Variants in F5 observed in about 807,000 individuals in gnomAD.
F5 encodes coagulation factor V.
Under a neutral mutation model 216.4 loss-of-function variants are expected in F5, and 138 were observed. The ratio of observed to expected loss-of-function variants is 0.64; its 90% CI spans 0.56 to 0.73. The LOEUF is 0.73. F5 is among the 30% of genes least tolerant of loss of function. The pLI is 0.00. For missense variants in F5, 2,403 were observed against 2,674.0 expected (o/e 0.90, Z 2.24); for synonymous variants, 916 against 930.7 (o/e 0.98, Z 0.29).
At chr1:169,575,367 T>A (rs1018631069) in intron 2 of F5, among the ~76,000 whole-genome samples, 1 of 152,226 alleles carries the variant, frequency 6.6e-6, no homozygotes, top group African/African-American at 2.4e-5. Flanking sequence ...CAGAGTCCCA[T>A]CATGCAGGGC....
In F5 at chr1:169,559,178, A is replaced by G. The variant is rs769258225; in HGVS notation, c.705T>C (p.Asn235=). ...CTGGCATTGTCCCATTCACATATCC[A>G]TTGACTGTGTACATTAGGGATGATG... ...SQSSSLMYTV[N]GYVNGTMPDI... The change falls in exon 5 of 25, where the codon AAT becomes AAC. Residue 235 remains asparagine, a synonymous_variant. Coordinates refer to ENST00000367797, the MANE Select transcript of F5 (RefSeq NM_000130.5). 3.7e-6 allele frequency: 6 copies of G among 1,613,804 alleles called. No homozygotes were observed. Among genetic ancestry groups the G allele is most frequent in the Non-Finnish European group, 5.1e-6 (6 of 1,179,772 alleles).
In F5 at chr1:169,540,832, G is replaced by T. The variant is rs771228698; in HGVS notation, c.4258C>A (p.Leu1420Ile). 14 of 1,613,816 alleles carry T rather than the reference G, an allele frequency of 8.7e-6. No individual in the cohort carries two copies. In the South Asian group the frequency reaches 8.8e-5, roughly 10 times the overall value. ...GACATCTGACCAAAGTTTGGGGAAA[G>T]ATCTGTCTCACCAAGGTCTGGAGAA... Reference protein sequence around the residue: ...TLSPDLGETDLSPNFGQMSLS... With the variant: ...TLSPDLGETDISPNFGQMSLS... The change falls in exon 13 of 25, where the codon CTT becomes ATT. Residue 1420 changes from leucine (L) to isoleucine (I), a missense_variant. Leu to Ile is a conservative substitution (Grantham distance 5, BLOSUM62 2). Coordinates refer to ENST00000367797, the MANE Select transcript of F5 (RefSeq NM_000130.5).
chr1:169,518,435 G>A lies in F5; in HGVS notation c.6322C>T (p.Arg2108Cys), dbSNP rs200646894. 22 of 1,613,694 alleles carry A rather than the reference G, an allele frequency of 1.4e-5. No homozygotes were observed. Among genetic ancestry groups the A allele is most frequent in the Non-Finnish European group, 1.5e-5 (18 of 1,179,768 alleles). ...ACCTTGGCTTGCCAGGCATTCACAC[G>A]TCCCTGGGCATTCAGACGGGCACGG... is the stretch of plus-strand genomic sequence containing the variant. ...PFRARLNAQGRVNAWQAKANN... is the reference protein window; with the variant it reads ...PFRARLNAQGCVNAWQAKANN... The change falls in exon 23 of 25, where the codon CGT becomes TGT. Residue 2108 changes from arginine (R) to cysteine (C), a missense_variant. Physicochemically the swap from Arg to Cys is radical, Grantham distance 180 (BLOSUM62 -3). Coordinates refer to ENST00000367797, the MANE Select transcript of F5 (RefSeq NM_000130.5).
chr1:169,540,940 G>A lies in F5; in HGVS notation c.4150C>T (p.Leu1384Phe). The change falls in exon 13 of 25, where the codon CTT becomes TTT. Residue 1384 changes from leucine to phenylalanine, a missense_variant. By Grantham distance (22) the Leu-to-Phe change is conservative (BLOSUM62 0). This residue lies in a region of F5 where 293 missense variants were observed against 270.8 expected (regional missense o/e 1.08). Coordinates refer to ENST00000367797, the MANE Select transcript of F5 (RefSeq NM_000130.5). ...NLSPELSQTN[L>F]SPDLSEMPLF... Reference sequence around the variant, plus strand: ...GGCATCTCACTGAGGTCTGGGGAAAGGTTTGTCTGACTGAGTTCTGGAGAG... The same window carrying A: ...GGCATCTCACTGAGGTCTGGGGAAAAGTTTGTCTGACTGAGTTCTGGAGAG... The A allele has an allele frequency of 1.2e-6, 2 of 1,614,174 alleles. No individual in the cohort carries two copies. Among genetic ancestry groups the A allele is most frequent in the African/African-American group, 1.3e-5 (1 of 75,058 alleles).
chr1:169,539,807 C>T (rs900049977), intron 13 of F5, among the ~76,000 whole-genome samples: 2 of 152,148 alleles, frequency 1.3e-5, no homozygotes, highest in East Asian at 3.9e-4. Context: ...TTCAACATGG[C>T]TTTCTACCCC....
intron 10 of F5, among the ~76,000 whole-genome samples, chr1:169,549,251 G>T (rs954738206): frequency 1.3e-5 from 2 of 152,088 alleles, no homozygotes; most frequent in South Asian, 4.1e-4. Flanking sequence ...CAGTATCTTT[G>T]TTCACATTCT....
chr1:169,561,408 C>A (rs1451657770), intron 3 of F5, among the ~76,000 whole-genome samples: 1 of 152,128 alleles, frequency 6.6e-6, no homozygotes, highest in Non-Finnish European at 1.5e-5. Context: ...AAAGACACAT[C>A]ATTAACACCT....
At chr1:169,537,003 A>G (rs7535409) in intron 13 of F5, among the ~76,000 whole-genome samples, 46,369 of 151,592 alleles carry the variant, frequency 0.31, 7,469 homozygotes, top group Admixed American at 0.45. Context: ...TATCTCTAGA[A>G]TATATATTGT....
intron 2 of F5, among the ~76,000 whole-genome samples, chr1:169,574,954 G>A (rs1303296538): frequency 4.6e-5 from 7 of 152,276 alleles, no homozygotes; most frequent in South Asian, 2.1e-4. Flanking sequence ...CCTTCATAGA[G>A]TTTATAAAAG....
At chr1:169,577,560 A>AATATATATAT (rs3035292) in intron 2 of F5, among the ~76,000 whole-genome samples, 710 of 54,288 alleles carry the variant, frequency 0.013, 22 homozygotes, top group Non-Finnish European at 0.017. Context: ...GGCTAATTTA[A>AATATATATAT]ATATATATAT....
At chr1:169,530,612 G>A (rs1659571931) in intron 15 of F5, among the ~76,000 whole-genome samples, 174 bp downstream of exon 15, 1 of 152,188 alleles carries the variant, frequency 6.6e-6, no homozygotes, top group South Asian at 2.1e-4. Flanking sequence ...CATCTGAAGA[G>A]CTGCATGGAG....
chr1:169,577,346 C>T (rs926434844), intron 2 of F5, among the ~76,000 whole-genome samples: 5 of 151,794 alleles, frequency 3.3e-5, no homozygotes, highest in Admixed American at 2.6e-4. Flanking sequence ...GAAAAATATG[C>T]AGACTCAAAA....
At chr1:169,586,208 C>T (rs1160507518) in intron 1 of F5, 21 bp downstream of exon 1, 3 of 1,613,948 alleles carry the variant, frequency 1.9e-6, no homozygotes, top group East Asian at 2.2e-5. Context: ...GAAGCCCACC[C>T]GGACTCCACA....
In F5 at chr1:169,543,405, A is replaced by C. The variant is rs6686805; in HGVS notation, c.1976-291T>G. Among the ~76,000 whole-genome samples, 64,611 of 151,976 alleles carry C rather than the reference A, an allele frequency of 0.43. 14,839 individuals are homozygous for C. The highest frequency in any genetic ancestry group is 0.9 in the East Asian group (4,642 of 5,180). Reference sequence around the variant, plus strand: ...TTCATCTCGCTTAACAGAATAAAAAACAAAAGTGTTGCTTAGTGGAGATTA... The same window carrying C: ...TTCATCTCGCTTAACAGAATAAAAACCAAAAGTGTTGCTTAGTGGAGATTA... On this transcript the variant is annotated intron_variant, in intron 12 of 24. Transcript: ENST00000367797.
chr1:169,540,760 C>T lies in F5; in HGVS notation c.4330G>A (p.Asp1444Asn). 6.2e-7 allele frequency: 1 copy of T among 1,613,866 alleles called. No homozygotes were observed. Among genetic ancestry groups the T allele is most frequent in the Non-Finnish European group, 8.5e-7 (1 of 1,179,942 alleles). The stretch of plus-strand genomic sequence containing the variant: ...CTGAGATCCGGGAGAAGGGTGGTGT[C>T]ACTGATGTCTGGAGAGAGAGTCACC... ...SQVTLSPDIS[D>N]TTLLPDLSQI... The change falls in exon 13 of 25, where the codon GAC becomes AAC. Residue 1444 changes from aspartate to asparagine, a missense_variant. Transcript: ENST00000367797.
At chr1:169,564,603 ATC>A (rs1227854771) in intron 3 of F5, among the ~76,000 whole-genome samples, 1 of 152,042 alleles carries the variant, frequency 6.6e-6, no homozygotes, top group African/African-American at 2.4e-5. Flanking sequence ...AAAAGGGTAA[ATC>A]TGGTTCCTTA....
At chr1:169,528,290 T>C (rs1326535110) in intron 16 of F5, among the ~76,000 whole-genome samples, 196 bp from the exon 17 acceptor site, 1 of 152,186 alleles carries the variant, frequency 6.6e-6, no homozygotes, top group African/African-American at 2.4e-5. Context: ...GTCCTTCTCA[T>C]ATCATTCACA....
At chr1:169,534,189 C>T (rs1659652722) in intron 14 of F5, among the ~76,000 whole-genome samples, 1 of 152,082 alleles carries the variant, frequency 6.6e-6, no homozygotes, top group Non-Finnish European at 1.5e-5. Flanking sequence ...GTTGTGAGCC[C>T]TTAAAAGGGA....
intron 13 of F5, among the ~76,000 whole-genome samples, chr1:169,539,393 T>C (rs1000957315): frequency 3.3e-5 from 5 of 152,162 alleles, no homozygotes; most frequent in Non-Finnish European, 4.4e-5. Context: ...TGAAGGTGGT[T>C]CCATCCCTAT....
Sources: gnomAD v4.1 joint callset for allele counts (sites outside exome capture counted in the v4.1 genomes callset) on GRCh38, gnomAD v4.1.1 for gene constraint, gnomAD v4.1.1 regional missense constraint, MANE v1.5 for transcripts, NCBI Gene and HGNC (gene_info 2026-07-23, HGNC 2026-07-21) for gene names.